Variants in STXBP2 observed in about 807,000 individuals in gnomAD.
The protein encoded by STXBP2 is syntaxin-binding protein 2.
STXBP2 carries 47 observed loss-of-function variants against 72.2 expected under a neutral mutation model. The observed-to-expected ratio is 0.65, with a 90% CI of 0.51 to 0.83. The LOEUF (loss-of-function observed/expected upper bound fraction) is 0.83, where lower values mean the gene tolerates loss of function less well. STXBP2 is among the 40% of genes least tolerant of loss of function. The pLI, the probability that STXBP2 is intolerant of heterozygous loss-of-function variation, is 0.00. For missense variants in STXBP2, 702 were observed against 807.6 expected, an observed-to-expected ratio of 0.87 and a Z score of 1.58; for synonymous variants, 367 against 338.7, an observed-to-expected ratio of 1.08 and a Z score of -0.92.
At chr19:7,639,158 C>T (rs1008209633) in intron 3 of STXBP2, 58 bp downstream of exon 3, 9 of 1,568,844 alleles carry the variant, frequency 5.7e-6, no homozygotes, top group Non-Finnish European at 7.9e-6. Flanking sequence ...CTGACTGTGC[C>T]CCTCTCCCAG....
chr19:7,640,004 GTA>G (rs1350382053), intron 4 of STXBP2, 197 bp downstream of exon 4: 19 of 684,794 alleles, frequency 2.8e-5, no homozygotes, highest in Middle Eastern at 3.8e-4. Flanking sequence ...GTGTGTCTAT[GTA>G]TGTGTCTGTG....
intron 4 of STXBP2, chr19:7,640,284 C>A: frequency 1.9e-6 from 1 of 518,904 alleles, no homozygotes; most frequent in Non-Finnish European, 3.6e-6. Context: ...GTATGTGCAT[C>A]TGTGTGCATG....
chr19:7,640,410 A>G (rs1378732490), intron 4 of STXBP2: 9 of 527,274 alleles, frequency 1.7e-5, no homozygotes, highest in African/African-American at 3.5e-5. Flanking sequence ...ATATGTGTGT[A>G]TGTATGTGTG....
upstream of STXBP2, among the ~76,000 whole-genome samples, chr19:7,635,722 G>T (rs899198343): frequency 3.9e-5 from 6 of 152,016 alleles, no homozygotes; most frequent in African/African-American, 1.4e-4. Context: ...AACAAAAATG[G>T]GGAGGAGGGA....
At chr19:7,640,363 T>C (rs1160637437) in intron 4 of STXBP2, 2 of 567,902 alleles carry the variant, frequency 3.5e-6, no homozygotes, top group Non-Finnish European at 6.6e-6. Context: ...TGCATGTGTG[T>C]ATGCGTGTGT....
chr19:7,640,467 T>A (rs1432386828), intron 4 of STXBP2: 5 of 678,416 alleles, frequency 7.4e-6, no homozygotes, highest in Non-Finnish European at 1.3e-5. Context: ...TGTGTGCATC[T>A]CTGTGTGTGC....
Position 7,642,444 on chromosome 19 carries a change from G to A in STXBP2, c.810G>A (p.Gly270=), listed in dbSNP as rs775622193. The change falls in exon 10 of 19, where the codon GGG becomes GGA. Residue 270 remains glycine (G), a synonymous_variant. Coordinates refer to ENST00000221283, the MANE Select transcript of STXBP2 (RefSeq NM_006949.4). This position sits in a 1 kb window ranked among gnomAD's most constrained non-coding sequence, Gnocchi z 6.0. ...TCCTCCCCAGGTATGAGACCACCGG[G>A]CTGAGCGAGGCGCGGGAGAAGGCCG... ...EQDTYRYETT[G]LSEAREKAVL... 4 of 1,613,946 alleles carry A rather than the reference G, an allele frequency of 2.5e-6. No homozygotes were observed. The highest frequency in any genetic ancestry group is 3.4e-6 in the Non-Finnish European group (4 of 1,180,024).
chr19:7,633,269 G>A (rs111973989), upstream of STXBP2: 13 of 926,162 alleles, frequency 1.4e-5, no homozygotes, highest in Non-Finnish European at 2.1e-5. Flanking sequence ...AAGCCCACCA[G>A]CCCCTTTCTA....
In STXBP2 at chr19:7,642,568, C is replaced by CA. The variant is rs1555770724; in HGVS notation, c.902+33dup. On this transcript the variant is annotated intron_variant, in intron 10 of 18. Coordinates refer to ENST00000221283, the MANE Select transcript of STXBP2 (RefSeq NM_006949.4). The surrounding 1 kb of genome is among the most constrained non-coding windows in gnomAD (Gnocchi z 6.0). ...GCACACGGGGACCGGATCCCCCCCC[C>CA]ACCGCCCACTGTGGGCCTGGTAGCG... The CA allele has an allele frequency of 3.7e-5, 60 of 1,607,614 alleles. No homozygotes were observed. The highest frequency in any genetic ancestry group is 5.0e-5 in the Non-Finnish European group (59 of 1,174,510).
intron 15 of STXBP2, 157 bp downstream of exon 15, chr19:7,645,463 G>C: frequency 1.5e-6 from 1 of 668,194 alleles, no homozygotes; most frequent in Non-Finnish European, 2.6e-6. Context: ...TCTGGTCTGG[G>C]GCCCAGAGGA....
chr19:7,638,987 T>C (rs1399582899), intron 2 of STXBP2, 32 bp from the exon 3 acceptor site: 2 of 1,613,152 alleles, frequency 1.2e-6, no homozygotes, highest in East Asian at 4.5e-5. Flanking sequence ...TTCCGCCTGC[T>C]CCTCCATCCA....
chr19:7,644,379 G>T, intron 13 of STXBP2: 1 of 588,626 alleles, frequency 1.7e-6, no homozygotes, highest in South Asian at 1.9e-5. Context: ...TCAGGATAGT[G>T]GTGTGACCTG....
At chr19:7,639,617 C>T in intron 3 of STXBP2, 114 bp from the exon 4 acceptor site, 1 of 951,426 alleles carries the variant, frequency 1.1e-6, no homozygotes, top group South Asian at 1.4e-5. Context: ...CTCCTGCAGT[C>T]CCTCCTAAGC....
At chr19:7,639,936 GTGCATGTGT>G in intron 4 of STXBP2, 129 bp downstream of exon 4, 1 of 427,164 alleles carries the variant, frequency 2.3e-6, no homozygotes. Flanking sequence ...GTGTATGTGT[GTGCATGTGT>G]GTGCATGTGT....
chr19:7,639,671 C>G, intron 3 of STXBP2, 60 bp from the exon 4 acceptor site: 2 of 1,531,476 alleles, frequency 1.3e-6, no homozygotes, highest in Non-Finnish European at 9.0e-7. Context: ...ACACCTGAGA[C>G]TCCCCACGTG....
At chr19:7,644,241 AG>A in intron 13 of STXBP2, 1 of 186,104 alleles carries the variant, frequency 5.4e-6, no homozygotes, top group Non-Finnish European at 9.4e-6. Flanking sequence ...GACCTGGGTG[AG>A]GGGTGGAACC....
At position 7,645,193 on chromosome 19, in the gene STXBP2, C is replaced by A; in HGVS notation, c.1247-4C>A. Reference sequence around the variant, plus strand: ...CCTCCACCCTGCCCATTCCCGTCCCCCAGGTGTGAGTGAGGAGAACCTGGC... The same window carrying A: ...CCTCCACCCTGCCCATTCCCGTCCCACAGGTGTGAGTGAGGAGAACCTGGC... On this transcript the variant is annotated splice_region_variant and splice_polypyrimidine_tract_variant and intron_variant, in intron 14 of 18. Coordinates refer to ENST00000221283, the MANE Select transcript of STXBP2 (RefSeq NM_006949.4). The A allele has an allele frequency of 6.4e-7, 1 of 1,558,030 alleles. No homozygotes were observed. Among genetic ancestry groups the A allele is most frequent in the East Asian group, 2.4e-5 (1 of 41,536 alleles).
rs1483383463 is a variant in STXBP2 at position 7,642,855 on chromosome 19, G to A, written c.960+32G>A. The A allele has an allele frequency of 8.1e-6, 13 of 1,614,062 alleles. 1 individual carries two copies. Among genetic ancestry groups the A allele is most frequent in the African/African-American group, 6.7e-5 (5 of 75,034 alleles). The stretch of plus-strand genomic sequence containing the variant: ...GCGGACCCAGGTCACCAAAGGCGCT[G>A]GTGGAAGGAAGCCCCCCTCCCCATG... On this transcript the variant is annotated intron_variant, in intron 11 of 18. Transcript: ENST00000221283. The surrounding 1 kb of genome is among the most constrained non-coding windows in gnomAD (Gnocchi z 6.0).
chr19:7,631,682 C>G, the STXBP2 span: 2 of 1,460,958 alleles, frequency 1.4e-6, no homozygotes, highest in Non-Finnish European at 1.8e-6. Context: ...CAGGATGCCT[C>G]AGGCCCTCAG....
Sources: allele counts gnomAD v4.1 joint callset (sites outside exome capture counted in the v4.1 genomes callset), GRCh38; gene constraint gnomAD v4.1.1; non-coding constraint Gnocchi (gnomAD v3.1); transcripts MANE v1.5; gene names NCBI Gene and HGNC (gene_info 2026-07-23, HGNC 2026-07-21).